The following UBAC2 variants were observed in gnomAD, a reference collection of about 807,000 sequenced individuals.
UBAC2 encodes the protein UBA domain containing 2.
In UBAC2, 26 loss-of-function variants were observed where a neutral mutation model predicts 44.0. The observed-to-expected ratio is 0.59, with a 90% CI of 0.43 to 0.82. The LOEUF (loss-of-function observed/expected upper bound fraction) is 0.82, where lower values mean the gene tolerates loss of function less well. UBAC2 is among the 40% of genes least tolerant of loss of function. The probability of loss-of-function intolerance (pLI) is 0.00; values close to 1 mark genes in which losing one functional copy is unlikely to be tolerated. For missense variants in UBAC2, 329 were observed against 419.4 expected (o/e 0.78, Z 1.88); for synonymous variants, 155 against 154.3 (o/e 1.00, Z -0.04).
intron 6 of UBAC2, among the ~76,000 whole-genome samples, chr13:99,332,904 G>C (rs1331921615): frequency 6.6e-6 from 1 of 151,724 alleles, no homozygotes. Context: ...GCTTTTCAGA[G>C]GGTCTATGGA....
chr13:99,301,874 G>A (rs1368593095), intron 4 of UBAC2, among the ~76,000 whole-genome samples: 1 of 152,166 alleles, frequency 6.6e-6, no homozygotes, highest in East Asian at 1.9e-4. Flanking sequence ...ACAGCTTTTG[G>A]TTTTTGCTGA....
At chr13:99,313,560 G>C (rs1445214555) in intron 4 of UBAC2, among the ~76,000 whole-genome samples, 1 of 152,108 alleles carries the variant, frequency 6.6e-6, no homozygotes, top group Non-Finnish European at 1.5e-5. Flanking sequence ...AGAAGAAAAG[G>C]CTATAATGGA....
intron 7 of UBAC2, among the ~76,000 whole-genome samples, chr13:99,347,361 T>A (rs1357276698): frequency 1.8e-5 from 2 of 111,182 alleles, no homozygotes; most frequent in Non-Finnish European, 3.4e-5. Flanking sequence ...GTGAAGATGA[T>A]ACTGGAAGAC....
chr13:99,206,145 C>T (rs1340739346), intron 1 of UBAC2: 3 of 152,690 alleles, frequency 2.0e-5, no homozygotes, highest in African/African-American at 4.8e-5. Flanking sequence ...AGCTTTGGAC[C>T]TGTGCAGTGT....
chr13:99,302,001 G>A (rs1437829091), intron 4 of UBAC2, among the ~76,000 whole-genome samples: 1 of 152,184 alleles, frequency 6.6e-6, no homozygotes, highest in African/African-American at 2.4e-5. Context: ...ACTGGAATGG[G>A]TCAAGTTGTG....
At chr13:99,332,167 G>A (rs879324005) in intron 6 of UBAC2, among the ~76,000 whole-genome samples, 2 of 152,084 alleles carry the variant, frequency 1.3e-5, no homozygotes, top group Admixed American at 1.3e-4. Flanking sequence ...TTTTTGTTCA[G>A]CCACAGTTGG....
At chr13:99,272,632 C>T (rs1345054035) in intron 4 of UBAC2, among the ~76,000 whole-genome samples, 2 of 152,122 alleles carry the variant, frequency 1.3e-5, no homozygotes, top group South Asian at 4.1e-4. Context: ...AGATGGCCAC[C>T]CTCTTGCTGT....
At chr13:99,258,961 C>T (rs1250709415) in intron 4 of UBAC2, among the ~76,000 whole-genome samples, 1 of 152,196 alleles carries the variant, frequency 6.6e-6, no homozygotes, top group African/African-American at 2.4e-5. Context: ...ATACATTTAT[C>T]CACTTTAGTT....
At chr13:99,244,856 G>A (rs1263444591) in intron 4 of UBAC2, among the ~76,000 whole-genome samples, 5 of 147,558 alleles carry the variant, frequency 3.4e-5, no homozygotes, top group Admixed American at 6.8e-5. Context: ...TTTTTGAGAC[G>A]GAGTCTCGCT....
intron 1 of UBAC2, among the ~76,000 whole-genome samples, chr13:99,213,459 C>T (rs2042957169): frequency 6.6e-6 from 1 of 151,980 alleles, no homozygotes. Context: ...CTCCCGGGTT[C>T]AAGTGATTCT....
At chr13:99,255,377 CTT>C in intron 4 of UBAC2, 3 of 1,614,056 alleles carry the variant, frequency 1.9e-6, no homozygotes, top group East Asian at 4.5e-5. Flanking sequence ...GGAGTGGAGT[CTT>C]TATCTGGGTC....
At chr13:99,244,714 T>C in intron 4 of UBAC2, 90 bp downstream of exon 4, 1 of 757,870 alleles carries the variant, frequency 1.3e-6, no homozygotes, top group Non-Finnish European at 2.1e-6. Flanking sequence ...AGTAAAATAA[T>C]ATTTTAAACT....
At chr13:99,289,015 A>G (rs1014548405) in intron 4 of UBAC2, among the ~76,000 whole-genome samples, 2 of 152,224 alleles carry the variant, frequency 1.3e-5, no homozygotes, top group African/African-American at 4.8e-5. Context: ...ATAATAGACC[A>G]TAGACCGTAC....
At chr13:99,364,604 T>C (rs1318646167) in intron 7 of UBAC2, among the ~76,000 whole-genome samples, 2 of 152,182 alleles carry the variant, frequency 1.3e-5, no homozygotes, top group Non-Finnish European at 2.9e-5. Context: ...AAAGATTTCA[T>C]ACACTTCACC....
chr13:99,217,713 T>TG (rs992125162), intron 1 of UBAC2, among the ~76,000 whole-genome samples: 3 of 152,274 alleles, frequency 2.0e-5, no homozygotes, highest in South Asian at 2.1e-4. Context: ...GTGGAGGTTG[T>TG]GGGGGGCAGG....
intron 4 of UBAC2, among the ~76,000 whole-genome samples, chr13:99,252,869 CTT>C (rs902253063): frequency 1.3e-5 from 2 of 151,924 alleles, no homozygotes; most frequent in African/African-American, 4.8e-5. Context: ...TCAATAGAAT[CTT>C]TTGTTGTGCT....
At chr13:99,383,894 AC>A (rs1281570839) in intron 8 of UBAC2, among the ~76,000 whole-genome samples, 1 of 152,192 alleles carries the variant, frequency 6.6e-6, no homozygotes, top group Non-Finnish European at 1.5e-5. Flanking sequence ...TCCCTCCCCC[AC>A]CTGCCTCTCT....
At chr13:99,242,483 G>T (rs2043318466) in intron 2 of UBAC2, among the ~76,000 whole-genome samples, 1 of 143,456 alleles carries the variant, frequency 7.0e-6, no homozygotes, top group African/African-American at 2.6e-5. Flanking sequence ...CCTCCCCGAC[G>T]GGGCGGCTGG....
intron 7 of UBAC2, among the ~76,000 whole-genome samples, chr13:99,353,138 T>C (rs1019787347): frequency 1.3e-5 from 2 of 152,254 alleles, no homozygotes; most frequent in African/African-American, 4.8e-5. Flanking sequence ...CTAGTTCTTT[T>C]ATGACTTTCT....
Sources: allele counts gnomAD v4.1 joint callset (sites outside exome capture counted in the v4.1 genomes callset), GRCh38; gene constraint gnomAD v4.1.1; transcripts MANE v1.5; gene names NCBI Gene and HGNC (gene_info 2026-07-23, HGNC 2026-07-21).